PKN2: variants seen among roughly 807,000 people sequenced by gnomAD.
PKN2 encodes the protein protein kinase N2.
In PKN2, 38 loss-of-function variants were observed where a neutral mutation model predicts 119.1. The observed-to-expected ratio is 0.32, with a 90% CI of 0.25 to 0.42. PKN2 has a LOEUF of 0.42. Ranked by LOEUF, PKN2 falls within the 10% of genes least tolerant of loss-of-function variation. The pLI is 1.00. For synonymous variants in PKN2, 390 were observed against 384.9 expected (o/e 1.01, Z -0.15); for missense variants, 850 against 1,165.1 (o/e 0.73, Z 3.94).
In PKN2 at chr1:88,771,551, A is replaced by G; in HGVS notation, c.753A>G (p.Arg251=). 2 of 1,592,594 alleles carry G rather than the reference A, an allele frequency of 1.3e-6. No individual in the cohort carries two copies. The highest frequency in any genetic ancestry group is 1.2e-5 in the South Asian group (1 of 85,128). The change falls in exon 5 of 22, where the codon AGA becomes AGG. Residue 251 remains arginine, a synonymous_variant. Transcript: ENST00000370521. ...KLLGSGKVTD[R]KALSEAQARF... is the part of the protein sequence containing the mutation. The stretch of plus-strand genomic sequence containing the variant: ...TTGGCTCAGGAAAAGTAACAGACAG[A>G]AAAGCACTTTCAGAAGTAATTTTAA...
chr1:88,809,133 T>G (rs1671680440), intron 15 of PKN2, among the ~76,000 whole-genome samples: 1 of 152,162 alleles, frequency 6.6e-6, no homozygotes, highest in African/African-American at 2.4e-5. Flanking sequence ...TTCCTATTTA[T>G]TTTTCACCTC....
At chr1:88,785,295 A>AT (rs1022395635) in intron 7 of PKN2, among the ~76,000 whole-genome samples, 18 of 151,338 alleles carry the variant, frequency 1.2e-4, no homozygotes, top group African/African-American at 2.4e-4. Flanking sequence ...TGCCTGGCTA[A>AT]TTTTTTTTTC....
At chr1:88,734,447 A>G (rs748665742) in intron 1 of PKN2, among the ~76,000 whole-genome samples, 70 of 152,272 alleles carry the variant, frequency 4.6e-4, no homozygotes, top group Non-Finnish European at 9.0e-4. Flanking sequence ...TCCCAACACC[A>G]CTTGTTGCCC....
intron 2 of PKN2, among the ~76,000 whole-genome samples, chr1:88,750,063 T>G (rs1301946975): frequency 1.3e-5 from 2 of 152,160 alleles, no homozygotes; most frequent in Non-Finnish European, 2.9e-5. Flanking sequence ...AGACCTTGGT[T>G]TTCTCATTTG....
intron 8 of PKN2, among the ~76,000 whole-genome samples, chr1:88,792,647 A>G (rs969095463): frequency 6.6e-6 from 1 of 152,154 alleles, no homozygotes; most frequent in Non-Finnish European, 1.5e-5. Context: ...TCTATTTTGC[A>G]AAAAATACAA....
At chr1:88,754,798 T>C (rs1190384303) in intron 2 of PKN2, among the ~76,000 whole-genome samples, 1 of 152,208 alleles carries the variant, frequency 6.6e-6, no homozygotes, top group Non-Finnish European at 1.5e-5. Context: ...GGCTTAACTC[T>C]AGTGCATTGT....
rs560643334 is a variant in PKN2, at chr1:88,789,662, C to A, written c.1281+3449C>A. Among the ~76,000 whole-genome samples the A allele has an allele frequency of 4.8e-5, 7 of 146,478 alleles. No homozygotes were observed. In the South Asian group the frequency reaches 1.1e-3, roughly 23 times the overall value. On this transcript the variant is annotated intron_variant, in intron 8 of 21. Coordinates refer to ENST00000370521, the MANE Select transcript of PKN2 (RefSeq NM_006256.4). Reference sequence around the variant, plus strand: ...TGGGCGACAGAGCAAGACTCTATCTCATAATAATAATAATAATAATAATAA... The same window carrying A: ...TGGGCGACAGAGCAAGACTCTATCTAATAATAATAATAATAATAATAATAA...
At chr1:88,745,060 A>G (rs1668720446) in intron 2 of PKN2, among the ~76,000 whole-genome samples, 1 of 152,204 alleles carries the variant, frequency 6.6e-6, no homozygotes, top group African/African-American at 2.4e-5. Flanking sequence ...AAAATTCAAC[A>G]TTTTTTCGTG....
At chr1:88,746,855 T>G (rs986245246) in intron 2 of PKN2, among the ~76,000 whole-genome samples, 1 of 152,156 alleles carries the variant, frequency 6.6e-6, no homozygotes, top group African/African-American at 2.4e-5. Flanking sequence ...ACAACTGAAG[T>G]GCCCATCAAC....
chr1:88,819,099 C>T (rs1255726471), intron 16 of PKN2, among the ~76,000 whole-genome samples: 1 of 151,774 alleles, frequency 6.6e-6, no homozygotes, highest in Non-Finnish European at 1.5e-5. Flanking sequence ...CTAGGCAGTA[C>T]CATTCAGGAC....
At position 88,715,760 on chromosome 1, in the gene PKN2, A is replaced by AT. The variant is rs542615224; in HGVS notation, c.49-25222dup. Reference sequence around the variant, plus strand: ...CAAAAACCAGCTCCTGGATTCATTGATTTTTTGAAGGGTTCTTTGTTTCTC... The same window carrying AT: ...CAAAAACCAGCTCCTGGATTCATTGATTTTTTTGAAGGGTTCTTTGTTTCTC... On this transcript the variant is annotated intron_variant, in intron 1 of 21. Coordinates refer to ENST00000370521, the MANE Select transcript of PKN2 (RefSeq NM_006256.4). Among the ~76,000 whole-genome samples the AT allele has an allele frequency of 9.5e-3, 1,438 of 152,094 alleles. 30 individuals carry two copies. Among genetic ancestry groups the AT allele is most frequent in the African/African-American group, 0.033 (1,360 of 41,456 alleles).
intron 3 of PKN2, among the ~76,000 whole-genome samples, chr1:88,766,296 A>G (rs894566564): frequency 2.0e-5 from 3 of 152,224 alleles, no homozygotes; most frequent in African/African-American, 4.8e-5. Flanking sequence ...TTACTTTAAC[A>G]TAAATACATG....
chr1:88,771,889 G>A lies in PKN2; in HGVS notation c.985+10G>A, dbSNP rs376805431. 204 of 1,563,724 alleles carry A rather than the reference G, an allele frequency of 1.3e-4. No individual in the cohort carries two copies. Among genetic ancestry groups the A allele is most frequent in the Admixed American group, 1.7e-4 (10 of 59,138 alleles). ...CCAGCAGCACTAACAGGTATGTAGT[G>A]TATAGCCATTGTTTTTTGTGTGTAT... is the stretch of plus-strand genomic sequence containing the variant. On this transcript the variant is annotated intron_variant, in intron 6 of 21. Transcript: ENST00000370521.
At position 88,828,765 on chromosome 1, in the gene PKN2, C is replaced by G. The variant is rs79203950; in HGVS notation, c.2562+142C>G. Reference sequence around the variant, plus strand: ...ATATTTATAGTATACTAGTAGTCAGCTATCTTTCTGTAATACCTTCAATAA... The same window carrying G: ...ATATTTATAGTATACTAGTAGTCAGGTATCTTTCTGTAATACCTTCAATAA... On this transcript the variant is annotated intron_variant, in intron 19 of 21. Coordinates refer to ENST00000370521, the MANE Select transcript of PKN2 (RefSeq NM_006256.4). The G allele has an allele frequency of 1.5e-3, 1,037 of 671,268 alleles. 5 individuals carry two copies. In the African/African-American group the frequency reaches 0.017, roughly 11 times the overall value. 41.6% of individuals were successfully genotyped at this position (671,268 alleles called of 1,614,324 possible).
In PKN2 at chr1:88,770,387, C is replaced by A; in HGVS notation, c.540C>A (p.Leu180=). 2 of 1,613,130 alleles carry A rather than the reference C, an allele frequency of 1.2e-6. No homozygotes were observed. The highest frequency in any genetic ancestry group is 1.7e-6 in the Non-Finnish European group (2 of 1,179,190). The part of the protein sequence containing the change: ...RKLHGTAQQL[L]QDSKTKIEVI... ...TCCATGGTACAGCTCAGCAACTGCT[C>A]CAGGACAGCAAGACAAAAATAGAAG... Residue 180 remains leucine (L), a synonymous_variant, in exon 4 of 22, where the codon CTC becomes CTA. Coordinates refer to ENST00000370521, the MANE Select transcript of PKN2 (RefSeq NM_006256.4).
At chr1:88,738,264 A>G (rs1011273868) in intron 1 of PKN2, among the ~76,000 whole-genome samples, 6 of 152,236 alleles carry the variant, frequency 3.9e-5, no homozygotes, top group African/African-American at 1.4e-4. Flanking sequence ...GATAAAAAAA[A>G]GGGGTAATTG....
chr1:88,780,758 T>C (rs971990587), intron 6 of PKN2, among the ~76,000 whole-genome samples: 12 of 152,176 alleles, frequency 7.9e-5, no homozygotes, highest in African/African-American at 2.4e-5. Context: ...ACCTTTTGGC[T>C]CAATGCTGAA....
intron 2 of PKN2, among the ~76,000 whole-genome samples, chr1:88,754,158 C>A (rs1229380159): frequency 6.6e-6 from 1 of 152,064 alleles, no homozygotes; most frequent in Non-Finnish European, 1.5e-5. Context: ...AGATGATAGT[C>A]ATTATCTCTT....
chr1:88,826,417 A>C lies in PKN2; in HGVS notation c.2419+2031A>C, dbSNP rs943026824. ...GGTAGATAGTTTTTTTGGAGGAAAT[A>C]TTTTATTTTTTATTTTATTTTTATT... is the stretch of plus-strand genomic sequence containing the variant. On this transcript the variant is annotated intron_variant, in intron 18 of 21. Transcript: ENST00000370521. Among the ~76,000 whole-genome samples the C allele has an allele frequency of 3.3e-5, 5 of 151,992 alleles. 1 individual carries two copies. Among genetic ancestry groups the C allele is most frequent in the Non-Finnish European group, 7.4e-5 (5 of 68,002 alleles).
Sources: allele counts gnomAD v4.1 joint callset (sites outside exome capture counted in the v4.1 genomes callset), GRCh38; gene constraint gnomAD v4.1.1; transcripts MANE v1.5; gene names NCBI Gene and HGNC (gene_info 2026-07-23, HGNC 2026-07-21).